The following LRRC37A2 variants were observed in gnomAD, a reference collection of about 807,000 sequenced individuals.
LRRC37A2 encodes the protein leucine rich repeat containing 37 member A2.
A neutral mutation model predicts 68.8 loss-of-function variants in LRRC37A2; 9 were observed. The observed-to-expected ratio is 0.13, with a 90% CI of 0.08 to 0.23. The LOEUF (loss-of-function observed/expected upper bound fraction) is 0.23, where lower values mean the gene tolerates loss of function less well. LRRC37A2 is among the 10% of genes least tolerant of loss of function. The pLI is 1.00. For missense variants in LRRC37A2, 168 were observed against 950.4 expected, an observed-to-expected ratio of 0.18 and a Z score of 10.82; for synonymous variants, 63 against 367.6, an observed-to-expected ratio of 0.17 and a Z score of 9.48.
the LRRC37A2 span, among the ~76,000 whole-genome samples, chr17:46,878,463 C>T: frequency 1.2e-3 from 183 of 152,286 alleles, no homozygotes; most frequent in African/African-American, 4.2e-3. Context: ...CTGCAGAGGC[C>T]CGGCTGAGAA....
the LRRC37A2 span, chr17:47,028,335 C>G: frequency 2.0e-6 from 3 of 1,505,106 alleles, no homozygotes; most frequent in Admixed American, 3.4e-5. Flanking sequence ...TCAGGCCTGG[C>G]ACGAAATGCA....
At chr17:46,919,619 A>G in the LRRC37A2 span, among the ~76,000 whole-genome samples, 1 of 152,180 alleles carries the variant, frequency 6.6e-6, no homozygotes, top group African/African-American at 2.4e-5. Context: ...CTACCCGCAG[A>G]ATAAAAATCT....
chr17:46,985,850 C>G, the LRRC37A2 span, among the ~76,000 whole-genome samples: 1 of 152,324 alleles, frequency 6.6e-6, no homozygotes, highest in African/African-American at 2.4e-5. Flanking sequence ...CAGATGGGCC[C>G]TCCTCTGTCT....
the LRRC37A2 span, among the ~76,000 whole-genome samples, chr17:46,965,967 A>C: frequency 6.6e-6 from 1 of 151,996 alleles, no homozygotes; most frequent in South Asian, 2.1e-4. Context: ...GCTGTTTATA[A>C]TGATGCAGGG....
the LRRC37A2 span, among the ~76,000 whole-genome samples, chr17:46,851,124 G>A: frequency 6.6e-6 from 1 of 152,138 alleles, no homozygotes; most frequent in African/African-American, 2.4e-5. The surrounding 1 kb of genome is among the most constrained non-coding windows in gnomAD (Gnocchi z 4.3). Flanking sequence ...CTGCGGCGAA[G>A]AGACCGCACT....
At chr17:46,926,465 C>G in the LRRC37A2 span, among the ~76,000 whole-genome samples, 1 of 152,250 alleles carries the variant, frequency 6.6e-6, no homozygotes, top group Non-Finnish European at 1.5e-5. Context: ...TTAAAGACGG[C>G]TACAATGACC....
the LRRC37A2 span, among the ~76,000 whole-genome samples, chr17:46,924,043 T>C: frequency 3.9e-5 from 6 of 152,360 alleles, no homozygotes; most frequent in Admixed American, 1.3e-4. Flanking sequence ...TGACATTGAG[T>C]ACATTCACAA....
At chr17:46,767,369 A>C in the LRRC37A2 span, among the ~76,000 whole-genome samples, 22 of 152,306 alleles carry the variant, frequency 1.4e-4, 1 homozygote, top group South Asian at 4.1e-3. Context: ...CTGTCAGGAT[A>C]TGGGCTTATA....
chr17:46,962,997 G>A, the LRRC37A2 span, among the ~76,000 whole-genome samples: 1 of 151,960 alleles, frequency 6.6e-6, no homozygotes, highest in East Asian at 1.9e-4. Context: ...AGAAACTGAG[G>A]CTTGGAAAGA....
At chr17:47,024,876 A>G in the LRRC37A2 span, 1 of 589,898 alleles carries the variant, frequency 1.7e-6, no homozygotes, top group African/African-American at 1.9e-5. Flanking sequence ...GTAAGTTTGT[A>G]TAGGGTCTCA....
the LRRC37A2 span, among the ~76,000 whole-genome samples, chr17:46,900,194 T>TACACATAC: frequency 1.2e-3 from 118 of 101,748 alleles, 5 homozygotes; most frequent in African/African-American, 5.6e-3. Flanking sequence ...TATATATATA[T>TACACATAC]ATATATATAC....
the LRRC37A2 span, among the ~76,000 whole-genome samples, chr17:46,928,595 G>A: frequency 2.6e-5 from 4 of 152,094 alleles, no homozygotes; most frequent in Admixed American, 2.6e-4. Context: ...CCAGATCCAG[G>A]GTACAGTGTT....
At chr17:46,883,451 ATTT>A in the LRRC37A2 span, among the ~76,000 whole-genome samples, 8 of 144,964 alleles carry the variant, frequency 5.5e-5, no homozygotes, top group Non-Finnish European at 9.1e-5. Flanking sequence ...GCCCGGCCTT[ATTT>A]TTGTATTTTT....
chr17:46,609,811 G>A, the LRRC37A2 span, among the ~76,000 whole-genome samples: 1 of 140,476 alleles, frequency 7.1e-6, no homozygotes, highest in African/African-American at 2.6e-5. Flanking sequence ...TAATATTCTC[G>A]GGTGTCTCAC....
At chr17:46,996,003 T>G in the LRRC37A2 span, among the ~76,000 whole-genome samples, 1 of 152,122 alleles carries the variant, frequency 6.6e-6, no homozygotes, top group Non-Finnish European at 1.5e-5. Context: ...CAGGATTCTG[T>G]TCCTTGGCTG....
the LRRC37A2 span, among the ~76,000 whole-genome samples, chr17:46,813,703 T>A: frequency 6.6e-6 from 1 of 152,186 alleles, no homozygotes; most frequent in Non-Finnish European, 1.5e-5. Flanking sequence ...CTGTGATAAG[T>A]CACCTTTCCT....
chr17:46,828,441 G>A, the LRRC37A2 span, among the ~76,000 whole-genome samples: 1 of 151,920 alleles, frequency 6.6e-6, no homozygotes, highest in Admixed American at 6.6e-5. Flanking sequence ...GAGCTCAAGC[G>A]ATCCATCCAC....
chr17:46,622,425 T>A, the LRRC37A2 span, among the ~76,000 whole-genome samples: 2 of 149,768 alleles, frequency 1.3e-5, no homozygotes, highest in Non-Finnish European at 2.9e-5. Context: ...ACCAGGGCAG[T>A]CCAGCCTGGG....
At chr17:46,887,005 C>T in the LRRC37A2 span, among the ~76,000 whole-genome samples, 2 of 151,938 alleles carry the variant, frequency 1.3e-5, no homozygotes, top group African/African-American at 2.4e-5. Context: ...TTAGTAGAGA[C>T]GGGGTTTCAC....
Sources: allele counts gnomAD v4.1 joint callset (sites outside exome capture counted in the v4.1 genomes callset), GRCh38; gene constraint gnomAD v4.1.1; non-coding constraint Gnocchi (gnomAD v3.1); transcripts MANE v1.5; gene names NCBI Gene and HGNC (gene_info 2026-07-23, HGNC 2026-07-21).